DNAJC1: variants seen among roughly 807,000 people sequenced by gnomAD.
DNAJC1 encodes the protein DnaJ heat shock protein family (Hsp40) member C1, also known as dnaJ homolog subfamily C member 1.
A neutral mutation model predicts 76.6 loss-of-function variants in DNAJC1; 58 were observed. The ratio of observed to expected loss-of-function variants is 0.76; its 90% confidence interval spans 0.61 to 0.94. DNAJC1 has a LOEUF of 0.94. Among genes scored for constraint, DNAJC1 ranks in the 40% least tolerant of loss-of-function variants. The pLI, the probability that DNAJC1 is intolerant of heterozygous loss-of-function variation, is 0.00. For missense variants in DNAJC1, 689 were observed against 677.3 expected, an observed-to-expected ratio of 1.02 and a Z score of -0.19; for synonymous variants, 258 against 267.9, an observed-to-expected ratio of 0.96 and a Z score of 0.36.
At chr10:21,798,627 C>T (rs1370858562) in intron 9 of DNAJC1, among the ~76,000 whole-genome samples, 1 of 152,204 alleles carries the variant, frequency 6.6e-6, no homozygotes, top group Admixed American at 6.5e-5. Flanking sequence ...TCAAATACTA[C>T]CTCTCCGAGA....
In DNAJC1 at chr10:21,777,161, G is replaced by C. The variant is rs187005878; in HGVS notation, c.1099-10852C>G. Among the ~76,000 whole-genome samples the C allele has an allele frequency of 2.1e-3, 317 of 152,264 alleles. 1 individual carries two copies. The highest frequency in any genetic ancestry group is 7.0e-3 in the African/African-American group (290 of 41,568). On this transcript the variant is annotated intron_variant, in intron 9 of 11. Coordinates refer to ENST00000376980, the MANE Select transcript of DNAJC1 (RefSeq NM_022365.4). Reference sequence around the variant, plus strand: ...ATGAATATCATTAATAGTATTCAAAGTGTATGTGATTATAACTGGTAAATT... The same window carrying C: ...ATGAATATCATTAATAGTATTCAAACTGTATGTGATTATAACTGGTAAATT...
chr10:21,768,080 C>A (rs1834322791), intron 9 of DNAJC1, among the ~76,000 whole-genome samples: 2 of 151,976 alleles, frequency 1.3e-5, no homozygotes. Flanking sequence ...CCACAGACAA[C>A]CACTGTTCAG....
rs1554887829 is a variant in DNAJC1 at position 21,813,094 on chromosome 10, C to CACAT, written c.979-6999_979-6996dup. Among the ~76,000 whole-genome samples, 22 of 66,748 alleles carry CACAT rather than the reference C, an allele frequency of 3.3e-4. 1 individual carries two copies. In the East Asian group the frequency reaches 0.037, roughly 112 times the overall value. The allele number at this position is 66,748 out of a possible 152,430, so 43.8% of individuals were successfully genotyped here. On this transcript the variant is annotated intron_variant, in intron 8 of 11. Transcript: ENST00000376980. ...ACATATATATACATATATACACACA[C>CACAT]ACATATATATATATATATATATACA...
At chr10:21,757,875 C>T (rs1648426707) in intron 11 of DNAJC1, among the ~76,000 whole-genome samples, 1 of 152,188 alleles carries the variant, frequency 6.6e-6, no homozygotes, top group South Asian at 2.1e-4. Context: ...GGAAGGTTTC[C>T]AGCCCCCCAG....
At position 22,003,483 on chromosome 10, in the gene DNAJC1, A is replaced by G; in HGVS notation, c.-49T>C. ...CCGCCGCGCAGCTCCGTTGGCCGAG[A>G]GCTGGGACGTGGCGGGCGGCGCTGG... is the stretch of plus-strand genomic sequence containing the variant. On this transcript the variant is annotated 5_prime_UTR_variant, in exon 1 of 12. Transcript: ENST00000376980. The G allele has an allele frequency of 1.5e-6, 2 of 1,310,614 alleles. No homozygotes were observed. The highest frequency in any genetic ancestry group is 1.9e-6 in the Non-Finnish European group (2 of 1,035,504). 81.2% of individuals were successfully genotyped at this position (1,310,614 alleles called of 1,614,324 possible). A position where few individuals can be genotyped will look rare whatever the true frequency, so the allele number is the denominator to read the frequency against.
intron 9 of DNAJC1, among the ~76,000 whole-genome samples, chr10:21,802,060 T>C (rs1834820301): frequency 6.6e-6 from 1 of 152,082 alleles, no homozygotes; most frequent in Non-Finnish European, 1.5e-5. Flanking sequence ...GATGAAATAA[T>C]CTGTACAACC....
At chr10:21,827,314 G>C (rs1471271268) in intron 8 of DNAJC1, among the ~76,000 whole-genome samples, 1 of 152,024 alleles carries the variant, frequency 6.6e-6, no homozygotes, top group Admixed American at 6.6e-5. Context: ...AGGTTTCCAA[G>C]ATTTACCCAT....
chr10:21,862,627 C>T (rs1007503429), intron 8 of DNAJC1, among the ~76,000 whole-genome samples: 2 of 151,852 alleles, frequency 1.3e-5, no homozygotes, highest in African/African-American at 4.8e-5. Flanking sequence ...CAGGGTTTCG[C>T]TATGTTGGCC....
intron 8 of DNAJC1, among the ~76,000 whole-genome samples, chr10:21,813,803 A>C (rs1429534724): frequency 6.6e-6 from 1 of 152,198 alleles, no homozygotes; most frequent in Admixed American, 6.5e-5. Flanking sequence ...AGGATTCCCC[A>C]TCTGTAATAC....
At chr10:21,834,496 C>T (rs945751518) in intron 8 of DNAJC1, among the ~76,000 whole-genome samples, 4 of 152,160 alleles carry the variant, frequency 2.6e-5, no homozygotes, top group Admixed American at 6.5e-5. Flanking sequence ...TGCAGCGCAC[C>T]GTACGCGAGC....
intron 1 of DNAJC1, among the ~76,000 whole-genome samples, chr10:21,939,397 T>G (rs1837365863): frequency 3.3e-5 from 5 of 152,164 alleles, no homozygotes; most frequent in Admixed American, 3.3e-4. Flanking sequence ...ACCAACTGCC[T>G]CAAAGTTAAT....
chr10:21,918,915 A>T, intron 5 of DNAJC1, 43 bp from the exon 6 acceptor site: 1 of 1,397,242 alleles, frequency 7.2e-7, no homozygotes, highest in Non-Finnish European at 1.0e-6. Context: ...ACATATGAGG[A>T]ATATACAGAG....
intron 8 of DNAJC1, among the ~76,000 whole-genome samples, chr10:21,811,370 C>A (rs377704571): frequency 1.3e-5 from 2 of 152,134 alleles, no homozygotes; most frequent in African/African-American, 2.4e-5. Context: ...TTGTTACTTG[C>A]GAAATGACTC....
At chr10:21,968,417 C>T (rs757024060) in intron 1 of DNAJC1, among the ~76,000 whole-genome samples, 17 of 152,088 alleles carry the variant, frequency 1.1e-4, no homozygotes, top group Non-Finnish European at 2.2e-4. Flanking sequence ...ATTGGTATTA[C>T]GGCAACCCAA....
chr10:21,759,506 C>T lies in DNAJC1; in HGVS notation c.1260G>A (p.Val420=). The T allele has an allele frequency of 6.2e-7, 1 of 1,614,172 alleles. No individual in the cohort carries two copies. Among genetic ancestry groups the T allele is most frequent in the Non-Finnish European group, 8.5e-7 (1 of 1,180,028 alleles). ...CTCCCTCCTGCTCCTCCTCCGCTGC[C>T]ACCCCCTCTGCGTCCTCTCGCTGGG... ...MITQREDAEG[V]AAEEEQEGDS... Residue 420 remains valine, a synonymous_variant, in exon 11 of 12, where the codon GTG becomes GTA. Transcript: ENST00000376980.
intron 9 of DNAJC1, among the ~76,000 whole-genome samples, chr10:21,770,773 C>T (rs1237914563): frequency 2.0e-5 from 3 of 152,166 alleles, no homozygotes; most frequent in African/African-American, 7.2e-5. Flanking sequence ...TAAGTTCTCC[C>T]ATTCTTTGGG....
chr10:21,941,388 T>C (rs532802724), intron 1 of DNAJC1, among the ~76,000 whole-genome samples: 2 of 151,224 alleles, frequency 1.3e-5, no homozygotes, highest in East Asian at 2.0e-4. Context: ...ACTAGGGACA[T>C]CTGAATAAAG....
At chr10:21,776,252 G>C (rs1272248299) in intron 9 of DNAJC1, among the ~76,000 whole-genome samples, 1 of 152,116 alleles carries the variant, frequency 6.6e-6, no homozygotes, top group Non-Finnish European at 1.5e-5. Context: ...ACATATTTCT[G>C]TTCAACGTAA....
intron 7 of DNAJC1, 27 bp downstream of exon 7, chr10:21,904,495 G>A (rs773262003): frequency 1.8e-5 from 24 of 1,362,108 alleles, no homozygotes; most frequent in Non-Finnish European, 2.4e-5. Context: ...ATATGACATT[G>A]TTAAAACACT....
Sources: allele counts gnomAD v4.1 joint callset (sites outside exome capture counted in the v4.1 genomes callset), GRCh38; gene constraint gnomAD v4.1.1; transcripts MANE v1.5; gene names NCBI Gene and HGNC (gene_info 2026-07-23, HGNC 2026-07-21).